ANK2: variants seen among roughly 807,000 people sequenced by gnomAD.
ANK2 encodes ankyrin 2.
ANK2 carries 83 observed loss-of-function variants against 360.5 expected under a neutral mutation model. The ratio of observed to expected loss-of-function variants is 0.23; its 90% CI spans 0.19 to 0.28. The LOEUF (loss-of-function observed/expected upper bound fraction) is 0.28. Among genes scored for constraint, ANK2 ranks in the 10% least tolerant of loss-of-function variants. ANK2 has a pLI of 1.00. For missense variants in ANK2, 4,201 were observed against 4,795.7 expected (o/e 0.88, Z 3.66); for synonymous variants, 1,740 against 1,759.5 (o/e 0.99, Z 0.28).
intron 1 of ANK2, among the ~76,000 whole-genome samples, chr4:113,065,566 C>T (rs983934491): frequency 2.0e-5 from 3 of 152,270 alleles, no homozygotes; most frequent in East Asian, 1.9e-4. Flanking sequence ...GTGGCAGACA[C>T]GGGCCTAGAA....
intron 2 of ANK2, among the ~76,000 whole-genome samples, chr4:113,193,450 G>A (rs186823292): frequency 2.6e-5 from 4 of 152,294 alleles, no homozygotes; most frequent in Admixed American, 1.3e-4. Context: ...TAGAGAAGCC[G>A]CTGTGGAAGA....
At chr4:113,270,608 T>C (rs1457923856) in intron 14 of ANK2, among the ~76,000 whole-genome samples, 1 of 152,212 alleles carries the variant, frequency 6.6e-6, no homozygotes. Context: ...TACCTCCCAT[T>C]CTAAGCTACA....
At chr4:113,363,503 G>A (rs1179041992) in intron 40 of ANK2, 34 bp downstream of exon 40, 3 of 1,612,248 alleles carry the variant, frequency 1.9e-6, no homozygotes, top group South Asian at 2.2e-5. Flanking sequence ...TTGGGCTAAA[G>A]TTGGACATGT....
chr4:113,075,569 A>C (rs535604037), intron 1 of ANK2, among the ~76,000 whole-genome samples: 1 of 152,326 alleles, frequency 6.6e-6, no homozygotes, highest in African/African-American at 2.4e-5. Flanking sequence ...ACAGAAAGAC[A>C]TGAGGCTGGG....
intron 19 of ANK2, among the ~76,000 whole-genome samples, 176 bp downstream of exon 19, chr4:113,287,879 A>G (rs146961926): frequency 8.9e-4 from 136 of 152,274 alleles, no homozygotes; most frequent in African/African-American, 3.0e-3. Flanking sequence ...ATTTTTTGCT[A>G]GAATCAAGTC....
chr4:113,024,566 A>G (rs574903150), intron 2 of ANK2, among the ~76,000 whole-genome samples: 5 of 152,320 alleles, frequency 3.3e-5, no homozygotes, highest in Admixed American at 2.6e-4. Context: ...TAACTAAGCA[A>G]TAGTCACATG....
intron 23 of ANK2, among the ~76,000 whole-genome samples, chr4:113,305,702 G>A (rs1203445629): frequency 2.6e-5 from 4 of 152,298 alleles, no homozygotes; most frequent in Non-Finnish European, 5.9e-5. Context: ...TGTTTTGTGA[G>A]GTTAATATGT....
chr4:112,961,298 A>G (rs1289545258), intron 2 of ANK2, among the ~76,000 whole-genome samples: 3 of 152,140 alleles, frequency 2.0e-5, no homozygotes, highest in Non-Finnish European at 4.4e-5. Flanking sequence ...TGCTACTCTC[A>G]TTATAGGTAG....
At chr4:112,969,208 C>T (rs1262608563) in intron 2 of ANK2, among the ~76,000 whole-genome samples, 2 of 152,204 alleles carry the variant, frequency 1.3e-5, no homozygotes, top group African/African-American at 2.4e-5. Flanking sequence ...TTTGAATCCA[C>T]ACTAACTCTG....
the ANK2 span, among the ~76,000 whole-genome samples, chr4:112,800,273 A>G: frequency 6.6e-6 from 1 of 152,190 alleles, no homozygotes; most frequent in African/African-American, 2.4e-5. Flanking sequence ...CACTCTTCAG[A>G]CTACATTTTT....
chr4:112,955,794 G>A (rs2095304581), intron 2 of ANK2, among the ~76,000 whole-genome samples: 1 of 152,066 alleles, frequency 6.6e-6, no homozygotes, highest in Non-Finnish European at 1.5e-5. Context: ...GTAAAATGAA[G>A]GATTAGTATC....
intron 1 of ANK2, among the ~76,000 whole-genome samples, chr4:113,088,395 A>C (rs1004068357): frequency 6.6e-6 from 1 of 152,206 alleles, no homozygotes; most frequent in African/African-American, 2.4e-5. Flanking sequence ...ATGTCTATGC[A>C]AACAAAACAT....
At chr4:112,745,763 C>T in the ANK2 span, among the ~76,000 whole-genome samples, 4 of 152,112 alleles carry the variant, frequency 2.6e-5, no homozygotes, top group African/African-American at 9.7e-5. Context: ...GAACTCCTGA[C>T]CTCCGGTGAT....
rs199730008 is a variant in ANK2, at chr4:113,255,724, T to C, written c.991-11T>C. The C allele has an allele frequency of 2.6e-5, 42 of 1,614,084 alleles. No homozygotes were observed. In the East Asian group the frequency reaches 8.9e-4, roughly 34 times the overall value. ...AAAAAGGACATTATTTTGTTTTCTTTTAATGTGCAGAATGGGCTGTCTCCA... is the reference window on the plus strand; with the variant it reads ...AAAAAGGACATTATTTTGTTTTCTTCTAATGTGCAGAATGGGCTGTCTCCA... On this transcript the variant is annotated splice_polypyrimidine_tract_variant and intron_variant, in intron 10 of 45. Transcript: ENST00000357077.
At chr4:113,136,850 G>A (rs763683529) in intron 1 of ANK2, among the ~76,000 whole-genome samples, 5 of 149,756 alleles carry the variant, frequency 3.3e-5, no homozygotes, top group African/African-American at 7.4e-5. Context: ...TCCGCCTCCC[G>A]GGTTCAAGTG....
chr4:113,041,273 A>G (rs956398296), intron 2 of ANK2, among the ~76,000 whole-genome samples: 8 of 151,714 alleles, frequency 5.3e-5, no homozygotes, highest in Non-Finnish European at 1.2e-4. Context: ...TGAGCTCTTC[A>G]CTCCCTGCAT....
intron 1 of ANK2, among the ~76,000 whole-genome samples, chr4:113,059,054 T>G (rs1160225308): frequency 6.6e-6 from 1 of 152,150 alleles, no homozygotes; most frequent in South Asian, 2.1e-4. Flanking sequence ...CAAGACAGCC[T>G]TCTGGGGCGT....
chr4:112,725,031 G>A, the ANK2 span, among the ~76,000 whole-genome samples: 1 of 152,274 alleles, frequency 6.6e-6, no homozygotes, highest in South Asian at 2.1e-4. Flanking sequence ...TGTAATCCCA[G>A]CACTTTGGGA....
chr4:112,734,098 GGTGT>G, the ANK2 span, among the ~76,000 whole-genome samples: 1 of 151,812 alleles, frequency 6.6e-6, no homozygotes, highest in Non-Finnish European at 1.5e-5. Context: ...TATATGATGT[GGTGT>G]GTGTGTGTGT....
Sources: allele counts gnomAD v4.1 joint callset (sites outside exome capture counted in the v4.1 genomes callset), GRCh38; gene constraint gnomAD v4.1.1; transcripts MANE v1.5; gene names NCBI Gene and HGNC (gene_info 2026-07-23, HGNC 2026-07-21).